The following ARHGEF4 variants were observed in gnomAD, a reference collection of about 807,000 sequenced individuals.
ARHGEF4 encodes the protein APC-stimulated guanine nucleotide exchange factor 1.
Under a neutral mutation model 162.0 loss-of-function variants are expected in ARHGEF4, and 119 were observed. The ratio of observed to expected loss-of-function variants is 0.73; its 90% CI spans 0.63 to 0.86. The LOEUF (loss-of-function observed/expected upper bound fraction) is 0.86. Ranked by LOEUF, ARHGEF4 falls within the 40% of genes least tolerant of loss-of-function variation. The pLI is 0.00. For missense variants in ARHGEF4, 2,488 were observed against 2,456.0 expected (o/e 1.01, Z -0.28); for synonymous variants, 1,014 against 979.9 (o/e 1.03, Z -0.65).
intron 4 of ARHGEF4, among the ~76,000 whole-genome samples, chr2:131,000,665 A>G (rs865784777): frequency 1.3e-5 from 2 of 152,286 alleles, no homozygotes; most frequent in South Asian, 2.1e-4. Context: ...TTATGTGTAC[A>G]TTTTTAGGAG....
chr2:130,972,792 T>C (rs1355519068), intron 4 of ARHGEF4, among the ~76,000 whole-genome samples: 1 of 152,180 alleles, frequency 6.6e-6, no homozygotes, highest in East Asian at 1.9e-4. Flanking sequence ...ATAGTGCAAC[T>C]GACAAGGAAA....
At chr2:130,953,625 C>G (rs1005305384) in intron 4 of ARHGEF4, among the ~76,000 whole-genome samples, 2 of 152,140 alleles carry the variant, frequency 1.3e-5, no homozygotes, top group African/African-American at 4.8e-5. Flanking sequence ...AGACAACCTA[C>G]AGAATGGGAG....
At chr2:130,866,917 C>T (rs1425491202) in intron 1 of ARHGEF4, among the ~76,000 whole-genome samples, 1 of 152,160 alleles carries the variant, frequency 6.6e-6, no homozygotes, top group Non-Finnish European at 1.5e-5. Context: ...CTTCTGTTTT[C>T]TGGAAGAGAC....
chr2:130,850,655 G>T (rs1244454010), intron 1 of ARHGEF4, among the ~76,000 whole-genome samples: 1 of 152,230 alleles, frequency 6.6e-6, no homozygotes, highest in Non-Finnish European at 1.5e-5. Flanking sequence ...CCCAAGCAGG[G>T]GTGCAGTGGG....
At chr2:130,974,451 G>C (rs1010188209) in intron 4 of ARHGEF4, among the ~76,000 whole-genome samples, 5 of 151,558 alleles carry the variant, frequency 3.3e-5, no homozygotes, top group Non-Finnish European at 7.4e-5. Flanking sequence ...TTTGTTTGTT[G>C]TTTTTATTTT....
At chr2:131,034,921 G>A (rs1431957410) in intron 5 of ARHGEF4, 2 of 947,760 alleles carry the variant, frequency 2.1e-6, no homozygotes, top group East Asian at 1.2e-4. Context: ...TGGTTGCCAG[G>A]GTTGCCAGGG....
rs1360082869 is a variant in ARHGEF4, at chr2:130,931,145, C to T, written c.3746C>T (p.Pro1249Leu). Residue 1249 changes from proline (P) to leucine (L), a missense_variant, in exon 3 of 14, where the codon CCC (proline) becomes CTC (leucine). Coordinates refer to ENST00000409359, the MANE Select transcript of ARHGEF4 (RefSeq NM_001367493.1). ...SQPRGIPHRS[P>L]VSVDDLWLEK... The stretch of plus-strand genomic sequence containing the variant: ...CCTAGGGGCATCCCTCACCGCTCGC[C>T]CGTCAGTGTGGATGACCTGTGGCTG... 2 of 1,614,204 alleles carry T rather than the reference C, an allele frequency of 1.2e-6. No homozygotes were observed. The highest frequency in any genetic ancestry group is 1.3e-5 in the African/African-American group (1 of 75,068).
intron 1 of ARHGEF4, among the ~76,000 whole-genome samples, chr2:130,862,653 A>C (rs1221928790): frequency 2.5e-5 from 1 of 39,640 alleles, no homozygotes; most frequent in Non-Finnish European, 3.8e-5. Flanking sequence ...GCAGATCATG[A>C]GGTCACGAGA....
chr2:130,913,322 G>C (rs1179757831), intron 1 of ARHGEF4, among the ~76,000 whole-genome samples: 2 of 152,208 alleles, frequency 1.3e-5, no homozygotes, highest in Non-Finnish European at 1.5e-5. Flanking sequence ...AAATATCATA[G>C]ATCTGTGCAT....
At chr2:130,870,331 G>C (rs1678377887) in intron 1 of ARHGEF4, among the ~76,000 whole-genome samples, 1 of 152,184 alleles carries the variant, frequency 6.6e-6, no homozygotes, top group Admixed American at 6.5e-5. Context: ...ATGTGTTTCA[G>C]ATGGAGCAAC....
intron 1 of ARHGEF4, among the ~76,000 whole-genome samples, chr2:130,857,308 A>ACATAAGAT (rs1235962930): frequency 7.4e-6 from 1 of 135,580 alleles, no homozygotes. Flanking sequence ...CTTAAAAAAG[A>ACATAAGAT]CATAAGATTA....
intron 1 of ARHGEF4, among the ~76,000 whole-genome samples, chr2:130,839,466 G>C (rs73960344): frequency 0.015 from 2,296 of 152,310 alleles, 49 homozygotes; most frequent in African/African-American, 0.052. Flanking sequence ...AAGGCCCCAG[G>C]TGTGCCTTCT....
chr2:130,880,831 A>AT lies in ARHGEF4; in HGVS notation c.40-33139dup, dbSNP rs769216855. Reference sequence around the variant, plus strand: ...ATTACAGGTGTGAGCACCCGGCCAAATTTTTTTTTTTTTTTTAAATAATGG... The same window carrying AT: ...ATTACAGGTGTGAGCACCCGGCCAAATTTTTTTTTTTTTTTTTAAATAATGG... On this transcript the variant is annotated intron_variant, in intron 1 of 13. Coordinates refer to ENST00000409359, the MANE Select transcript of ARHGEF4 (RefSeq NM_001367493.1). 4.6e-3 allele frequency among the ~76,000 whole-genome samples: 675 copies of AT among 145,560 alleles called. 6 individuals carry two copies. Among genetic ancestry groups the AT allele is most frequent in the African/African-American group, 0.013 (519 of 39,706 alleles).
intron 1 of ARHGEF4, among the ~76,000 whole-genome samples, chr2:130,871,515 G>A (rs992832123): frequency 2.0e-5 from 3 of 151,150 alleles, no homozygotes; most frequent in African/African-American, 4.9e-5. Context: ...CAGCCTGGGC[G>A]GCAAGAGCAA....
chr2:130,880,012 G>C (rs770247407), intron 1 of ARHGEF4, among the ~76,000 whole-genome samples: 3 of 152,124 alleles, frequency 2.0e-5, no homozygotes, highest in Non-Finnish European at 4.4e-5. Flanking sequence ...GCCCTTCCTT[G>C]GGTCGAGTCC....
At chr2:131,007,789 T>C (rs957851597) in intron 4 of ARHGEF4, among the ~76,000 whole-genome samples, 3 of 148,180 alleles carry the variant, frequency 2.0e-5, no homozygotes, top group African/African-American at 7.5e-5. Context: ...GCTAAATTAT[T>C]CTTTTCTTTT....
intron 4 of ARHGEF4, among the ~76,000 whole-genome samples, chr2:130,996,283 C>T (rs982635816): frequency 9.2e-5 from 14 of 152,242 alleles, no homozygotes; most frequent in African/African-American, 2.9e-4. Flanking sequence ...CCTGCCTGTG[C>T]CCGTTCCCTC....
intron 1 of ARHGEF4, among the ~76,000 whole-genome samples, chr2:130,900,504 T>C (rs747804336): frequency 6.6e-6 from 1 of 152,222 alleles, no homozygotes; most frequent in East Asian, 1.9e-4. Flanking sequence ...TTCAGTTTTG[T>C]TTCCATCACC....
At chr2:130,927,241 C>G (rs764680146) in intron 2 of ARHGEF4, among the ~76,000 whole-genome samples, 12 of 152,076 alleles carry the variant, frequency 7.9e-5, no homozygotes, top group Non-Finnish European at 1.5e-4. Flanking sequence ...GGTGAAGGTG[C>G]TGGCTCTCTA....
Sources: allele counts gnomAD v4.1 joint callset (sites outside exome capture counted in the v4.1 genomes callset), GRCh38; gene constraint gnomAD v4.1.1; transcripts MANE v1.5; gene names NCBI Gene and HGNC (gene_info 2026-07-23, HGNC 2026-07-21).